LRP1B: variants seen among roughly 807,000 people sequenced by gnomAD.
LRP1B encodes LDL receptor related protein 1B, also known as low-density lipoprotein receptor-related protein 1B.
In LRP1B, 217 loss-of-function variants were observed where a neutral mutation model predicts 556.6. The observed-to-expected ratio is 0.39, with a 90% CI of 0.35 to 0.44. The LOEUF (loss-of-function observed/expected upper bound fraction) is 0.44, where lower values mean the gene tolerates loss of function less well. LRP1B is among the 20% of genes least tolerant of loss of function. The pLI, the probability that LRP1B is intolerant of heterozygous loss-of-function variation, is 1.00. For synonymous variants in LRP1B, 2,047 were observed against 1,865.8 expected (o/e 1.10, Z -2.50); for missense variants, 5,053 against 5,620.8 (o/e 0.90, Z 3.23).
rs575333315 is a variant in LRP1B, at chr2:140,311,248, T to C, written c.12805+3687A>G. On this transcript the variant is annotated intron_variant, in intron 83 of 90. Transcript: ENST00000389484. ...CACGTGTATGTTTATAACAGCAATATTCACAACAGGAAAAATATGCAGTCA... is the reference window on the plus strand; with the variant it reads ...CACGTGTATGTTTATAACAGCAATACTCACAACAGGAAAAATATGCAGTCA... Among the ~76,000 whole-genome samples the C allele has an allele frequency of 8.0e-4, 122 of 151,958 alleles. 1 individual carries two copies. Among genetic ancestry groups the C allele is most frequent in the Non-Finnish European group, 2.8e-4 (19 of 67,844 alleles).
intron 41 of LRP1B, among the ~76,000 whole-genome samples, chr2:140,609,143 C>G (rs947990467): frequency 2.0e-5 from 3 of 152,128 alleles, no homozygotes; most frequent in African/African-American, 7.2e-5. Context: ...ATGAACTCCG[C>G]GGTGCCTGAA....
At chr2:140,999,944 C>T (rs1697365275) in intron 15 of LRP1B, among the ~76,000 whole-genome samples, 2 of 152,004 alleles carry the variant, frequency 1.3e-5, no homozygotes, top group Non-Finnish European at 2.9e-5. Flanking sequence ...TGGGGTCTTG[C>T]TCTGTCACCT....
chr2:140,723,359 C>T (rs1055119555), intron 35 of LRP1B, among the ~76,000 whole-genome samples: 11 of 152,028 alleles, frequency 7.2e-5, no homozygotes, highest in Non-Finnish European at 1.3e-4. Context: ...AGTTCATCTT[C>T]TTCTTATTAT....
At chr2:141,457,965 T>A (rs1210589759) in intron 3 of LRP1B, among the ~76,000 whole-genome samples, 1 of 152,174 alleles carries the variant, frequency 6.6e-6, no homozygotes, top group Admixed American at 6.6e-5. Context: ...GAATCAGTAG[T>A]TAAAATGCTC....
At position 140,908,460 on chromosome 2, in the gene LRP1B, C is replaced by T. The variant is rs191642283; in HGVS notation, c.3320-383G>A. The stretch of plus-strand genomic sequence containing the variant: ...CTGTTAAAAGCAAACTTTAAAGATA[C>T]ATTTGTATATTAGTGCCTTTTAGAT... On this transcript the variant is annotated intron_variant, in intron 21 of 90. Transcript: ENST00000389484. Among the ~76,000 whole-genome samples, 390 of 149,852 alleles carry T rather than the reference C, an allele frequency of 2.6e-3. 2 individuals are homozygous for T. The highest frequency in any genetic ancestry group is 4.8e-3 in the Non-Finnish European group (324 of 67,502).
At chr2:141,145,918 CTTTCTTTTTT>C (rs1701772842) in intron 7 of LRP1B, among the ~76,000 whole-genome samples, 1 of 110,172 alleles carries the variant, frequency 9.1e-6, no homozygotes, top group South Asian at 3.1e-4. Context: ...TTCTTTCTTT[CTTTCTTTTTT>C]TTTTTTTTTT....
intron 53 of LRP1B, among the ~76,000 whole-genome samples, chr2:140,504,557 C>T (rs960096933): frequency 1.3e-5 from 2 of 152,164 alleles, no homozygotes; most frequent in Non-Finnish European, 2.9e-5. Context: ...CACACAGTCA[C>T]TATATAGCTT....
intron 3 of LRP1B, among the ~76,000 whole-genome samples, chr2:141,345,613 C>T (rs1387561654): frequency 2.0e-5 from 3 of 151,748 alleles, no homozygotes; most frequent in African/African-American, 7.3e-5. Context: ...CTTCAGCCTC[C>T]CAGGTAGCTA....
chr2:141,500,010 G>C (rs1463482995), intron 2 of LRP1B, among the ~76,000 whole-genome samples: 1 of 152,072 alleles, frequency 6.6e-6, no homozygotes, highest in Non-Finnish European at 1.5e-5. Context: ...AGATATGGGA[G>C]GAACTATCTT....
intron 2 of LRP1B, among the ~76,000 whole-genome samples, chr2:141,520,763 A>C (rs1684498272): frequency 6.6e-6 from 1 of 152,144 alleles, no homozygotes; most frequent in African/African-American, 2.4e-5. Context: ...TCCTTACAAT[A>C]ACACACCTTC....
Position 141,908,695 on chromosome 2 carries a change from C to T in LRP1B, c.83-98294G>A, listed in dbSNP as rs183753409. Among the ~76,000 whole-genome samples, 10 of 151,868 alleles carry T rather than the reference C, an allele frequency of 6.6e-5. 1 individual carries two copies. The East Asian group carries it at 1.9e-3, about 29-fold the overall frequency. ...CTAATAATATCCTCTAAGTAAATTCCTGGTGATGGAATGGCTAGGTCAAAA... is the reference window on the plus strand; with the variant it reads ...CTAATAATATCCTCTAAGTAAATTCTTGGTGATGGAATGGCTAGGTCAAAA... On this transcript the variant is annotated intron_variant, in intron 1 of 90. Coordinates refer to ENST00000389484, the MANE Select transcript of LRP1B (RefSeq NM_018557.3).
intron 41 of LRP1B, among the ~76,000 whole-genome samples, chr2:140,647,195 T>A (rs1309221467): frequency 6.6e-6 from 1 of 152,132 alleles, no homozygotes; most frequent in Non-Finnish European, 1.5e-5. Context: ...AAATGCTTTT[T>A]TAAAAAAACT....
intron 5 of LRP1B, among the ~76,000 whole-genome samples, chr2:141,240,754 C>A (rs897731089): frequency 6.6e-5 from 10 of 151,978 alleles, no homozygotes; most frequent in African/African-American, 2.4e-4. Flanking sequence ...GACTGTCACA[C>A]CTAGAGCCCA....
chr2:140,573,219 A>T (rs1470919697), intron 43 of LRP1B, among the ~76,000 whole-genome samples: 2 of 151,886 alleles, frequency 1.3e-5, no homozygotes, highest in Non-Finnish European at 3.0e-5. Context: ...TACTGTATAC[A>T]TGTATCAAAA....
intron 1 of LRP1B, among the ~76,000 whole-genome samples, chr2:141,922,905 G>T (rs1266606256): frequency 6.6e-6 from 1 of 151,714 alleles, no homozygotes. Flanking sequence ...TTCAAGACCA[G>T]CCTGGGTAAC....
chr2:141,655,706 G>T (rs1230999529), intron 2 of LRP1B, among the ~76,000 whole-genome samples: 1 of 151,904 alleles, frequency 6.6e-6, no homozygotes, highest in Non-Finnish European at 1.5e-5. Context: ...AATACAGAAG[G>T]TACTTGAGAA....
intron 11 of LRP1B, among the ~76,000 whole-genome samples, chr2:141,021,889 C>T (rs1698074362): frequency 6.6e-6 from 1 of 151,886 alleles, no homozygotes; most frequent in Admixed American, 6.6e-5. Context: ...AAACATTTAG[C>T]ATATTTCCTG....
intron 43 of LRP1B, among the ~76,000 whole-genome samples, chr2:140,572,986 T>C (rs566375582): frequency 6.6e-6 from 1 of 151,920 alleles, no homozygotes; most frequent in Admixed American, 6.6e-5. Flanking sequence ...GAATAGTGGT[T>C]ACTAGAGGGT....
intron 1 of LRP1B, among the ~76,000 whole-genome samples, chr2:142,027,299 GGTT>G (rs1384031469): frequency 2.0e-5 from 3 of 149,980 alleles, no homozygotes; most frequent in Admixed American, 6.6e-5. Flanking sequence ...GATTTTTAGA[GGTT>G]GTTTTTTTTT....
Sources: gnomAD v4.1 joint callset for allele counts (sites outside exome capture counted in the v4.1 genomes callset) on GRCh38, gnomAD v4.1.1 for gene constraint, MANE v1.5 for transcripts, NCBI Gene and HGNC (gene_info 2026-07-23, HGNC 2026-07-21) for gene names.